LRP1B: variants seen among roughly 807,000 people sequenced by gnomAD.
LRP1B encodes LDL receptor related protein 1B, also known as low-density lipoprotein receptor-related protein 1B.
LRP1B carries 217 observed loss-of-function variants against 556.6 expected under a neutral mutation model. That is an observed-to-expected ratio of 0.39 (90% confidence interval 0.35 to 0.44). LRP1B has a LOEUF of 0.44. LRP1B is among the 20% of genes least tolerant of loss of function. The pLI, the probability that LRP1B is intolerant of heterozygous loss-of-function variation, is 1.00. For missense variants in LRP1B, 5,053 were observed against 5,620.8 expected, an observed-to-expected ratio of 0.90 and a Z score of 3.23; for synonymous variants, 2,047 against 1,865.8, an observed-to-expected ratio of 1.10 and a Z score of -2.50.
chr2:140,781,398 G>T (rs2104963107), intron 32 of LRP1B, among the ~76,000 whole-genome samples: 1 of 152,242 alleles, frequency 6.6e-6, no homozygotes, highest in African/African-American at 2.4e-5. Flanking sequence ...TTATCAGATT[G>T]TTAAAGCCCT....
At chr2:141,468,471 A>G (rs1299839381) in intron 3 of LRP1B, among the ~76,000 whole-genome samples, 2 of 152,212 alleles carry the variant, frequency 1.3e-5, no homozygotes, top group Non-Finnish European at 2.9e-5. Context: ...CTATACACAC[A>G]GTCTATATAC....
intron 2 of LRP1B, 106 bp downstream of exon 2, chr2:141,810,173 G>GT (rs1696312221): frequency 4.1e-6 from 3 of 725,816 alleles, no homozygotes; most frequent in South Asian, 7.7e-5. Context: ...AAGAAGGAAA[G>GT]AAAGAAAGAA....
At chr2:140,528,480 G>T (rs1200352311) in intron 47 of LRP1B, among the ~76,000 whole-genome samples, 3 of 151,454 alleles carry the variant, frequency 2.0e-5, no homozygotes, top group Admixed American at 1.3e-4. Context: ...TAGAAGATTT[G>T]CAGGATGTAT....
chr2:140,650,541 G>A (rs1422267936), intron 41 of LRP1B, among the ~76,000 whole-genome samples: 1 of 151,936 alleles, frequency 6.6e-6, no homozygotes, highest in East Asian at 1.9e-4. Context: ...AAGAGACGGT[G>A]TTTCACCATG....
chr2:140,447,795 T>C (rs1442039416), intron 63 of LRP1B, among the ~76,000 whole-genome samples: 1 of 152,152 alleles, frequency 6.6e-6, no homozygotes, highest in African/African-American at 2.4e-5. Flanking sequence ...GTGAGAGACA[T>C]GAAATTCTTC....
At chr2:140,324,529 A>C (rs1416397554) in intron 80 of LRP1B, among the ~76,000 whole-genome samples, 1 of 152,098 alleles carries the variant, frequency 6.6e-6, no homozygotes, top group African/African-American at 2.4e-5. Flanking sequence ...GTAAATCCAA[A>C]AATAATATTT....
intron 3 of LRP1B, among the ~76,000 whole-genome samples, chr2:141,430,993 C>T (rs1246966225): frequency 6.6e-6 from 1 of 151,768 alleles, no homozygotes; most frequent in South Asian, 2.1e-4. Flanking sequence ...GAAAATTAGC[C>T]AGGCATGGTG....
intron 3 of LRP1B, among the ~76,000 whole-genome samples, chr2:141,336,900 T>C (rs554033132): frequency 6.6e-6 from 1 of 152,272 alleles, no homozygotes; most frequent in Admixed American, 6.5e-5. Flanking sequence ...ATTTGTTGAG[T>C]AGAATTCTAT....
At chr2:140,453,811 TACTATTTGGGGAACATGTCATTTGTTG>T (rs1686976482) in intron 62 of LRP1B, among the ~76,000 whole-genome samples, 1 of 152,176 alleles carries the variant, frequency 6.6e-6, no homozygotes, top group African/African-American at 2.4e-5. Flanking sequence ...TCTAAAATAA[TACTATTTGGGGAACATGTCATTTGTTG>T]ACAATCATTA....
chr2:141,928,743 A>C (rs983955569), intron 1 of LRP1B, among the ~76,000 whole-genome samples: 1 of 152,118 alleles, frequency 6.6e-6, no homozygotes, highest in Non-Finnish European at 1.5e-5. Flanking sequence ...TTATGTCTTG[A>C]AATAGAATCA....
intron 3 of LRP1B, among the ~76,000 whole-genome samples, chr2:141,286,223 T>A (rs924888566): frequency 6.6e-6 from 1 of 152,170 alleles, no homozygotes; most frequent in African/African-American, 2.4e-5. Flanking sequence ...AATGTTCATA[T>A]ACTTTTAAAA....
intron 3 of LRP1B, among the ~76,000 whole-genome samples, chr2:141,425,451 G>C (rs1163529345): frequency 6.6e-6 from 1 of 151,136 alleles, no homozygotes; most frequent in East Asian, 1.9e-4. Context: ...GGGATGGCTG[G>C]GTCAAATGGT....
At chr2:140,413,076 AAATAT>A (rs1422007766) in intron 66 of LRP1B, among the ~76,000 whole-genome samples, 2 of 152,168 alleles carry the variant, frequency 1.3e-5, no homozygotes, top group Non-Finnish European at 2.9e-5. Context: ...AAGACACCCT[AAATAT>A]ATTATTGGTA....
intron 32 of LRP1B, among the ~76,000 whole-genome samples, chr2:140,809,799 C>G (rs1217990266): frequency 6.6e-6 from 1 of 152,148 alleles, no homozygotes. Context: ...GTGCTAAAAT[C>G]TTGACTGCCT....
At chr2:141,803,339 T>TA (rs923082538) in intron 2 of LRP1B, among the ~76,000 whole-genome samples, 2 of 151,710 alleles carry the variant, frequency 1.3e-5, no homozygotes, top group Non-Finnish European at 2.9e-5. Flanking sequence ...GTACCAGTGT[T>TA]AGGCCCTTTC....
At position 141,917,080 on chromosome 2, in the gene LRP1B, T is replaced by A. The variant is rs1340459855; in HGVS notation, c.83-106679A>T. Among the ~76,000 whole-genome samples the A allele has an allele frequency of 3.3e-5, 5 of 152,186 alleles. No homozygotes were observed. The East Asian group carries it at 9.6e-4, about 29-fold the overall frequency. ...TGAATCACAGATAGCAATTTGTATA[T>A]ACAATTTATATAACACTTATACCTA... On this transcript the variant is annotated intron_variant, in intron 1 of 90. Transcript: ENST00000389484.
intron 2 of LRP1B, among the ~76,000 whole-genome samples, chr2:141,655,961 G>A (rs553852493): frequency 2.0e-5 from 3 of 152,174 alleles, no homozygotes; most frequent in African/African-American, 7.2e-5. Flanking sequence ...GGAACTTACT[G>A]AGTGTCAGAT....
intron 2 of LRP1B, among the ~76,000 whole-genome samples, chr2:141,703,573 T>G (rs1175234591): frequency 6.6e-6 from 1 of 151,996 alleles, no homozygotes; most frequent in African/African-American, 2.4e-5. Context: ...GCTCATTCTT[T>G]GAGTTTTAGA....
chr2:140,949,413 G>C (rs948671413), intron 20 of LRP1B, among the ~76,000 whole-genome samples: 7 of 152,032 alleles, frequency 4.6e-5, no homozygotes, highest in African/African-American at 1.7e-4. Context: ...GCGAATGACA[G>C]GGTTATCATC....
Sources: allele counts gnomAD v4.1 joint callset (sites outside exome capture counted in the v4.1 genomes callset), GRCh38; gene constraint gnomAD v4.1.1; transcripts MANE v1.5; gene names NCBI Gene and HGNC (gene_info 2026-07-23, HGNC 2026-07-21).